CACNA2D3: variants seen among roughly 807,000 people sequenced by gnomAD.
CACNA2D3 encodes the protein calcium voltage-gated channel auxiliary subunit alpha2delta 3, also known as voltage-dependent calcium channel subunit alpha-2/delta-3.
CACNA2D3 carries 60 observed loss-of-function variants against 160.6 expected under a neutral mutation model. The ratio of observed to expected loss-of-function variants is 0.37; its 90% CI spans 0.30 to 0.46. The LOEUF is 0.46. Among genes scored for constraint, CACNA2D3 ranks in the 20% least tolerant of loss-of-function variants. The pLI is 1.00. For missense variants in CACNA2D3, 1,205 were observed against 1,365.0 expected (o/e 0.88, Z 1.85); for synonymous variants, 558 against 492.9 (o/e 1.13, Z -1.75).
chr3:54,552,868 G>C (rs114372602), intron 5 of CACNA2D3, among the ~76,000 whole-genome samples: 1 of 152,142 alleles, frequency 6.6e-6, no homozygotes, highest in Non-Finnish European at 1.5e-5. Context: ...TATATTTATG[G>C]CAAAAGAAAA....
chr3:54,809,520 T>G (rs1451745077), intron 13 of CACNA2D3, among the ~76,000 whole-genome samples: 1 of 144,612 alleles, frequency 6.9e-6, no homozygotes, highest in African/African-American at 2.8e-5. Context: ...GGGTTTCACC[T>G]TGTTAGCCAG....
At chr3:54,870,329 G>C (rs1699496774) in intron 17 of CACNA2D3, among the ~76,000 whole-genome samples, 1 of 152,140 alleles carries the variant, frequency 6.6e-6, no homozygotes, top group Non-Finnish European at 1.5e-5. Flanking sequence ...GGCAACCTAT[G>C]GTTTTGGGGT....
rs185542067 is a variant in CACNA2D3, at chr3:54,377,905, A to T, written c.322-8810A>T. On this transcript the variant is annotated intron_variant, in intron 3 of 37. Coordinates refer to ENST00000474759, the MANE Select transcript of CACNA2D3 (RefSeq NM_018398.3). ...ACCAGGAATGGAAACTCTCTGCAGG[A>T]CAGACTTCCTTACCAGTACCAACAC... 1.5e-3 allele frequency among the ~76,000 whole-genome samples: 233 copies of T among 152,346 alleles called. 1 individual carries two copies. The highest frequency in any genetic ancestry group is 5.3e-3 in the African/African-American group (222 of 41,586).
chr3:55,056,446 A>G (rs901369323), intron 35 of CACNA2D3, among the ~76,000 whole-genome samples: 2 of 152,182 alleles, frequency 1.3e-5, no homozygotes, highest in African/African-American at 4.8e-5. Flanking sequence ...TAGCCATCCT[A>G]CTTCCGGGTA....
At chr3:54,281,372 A>G (rs993539454) in intron 2 of CACNA2D3, among the ~76,000 whole-genome samples, 1 of 152,152 alleles carries the variant, frequency 6.6e-6, no homozygotes, top group South Asian at 2.1e-4. Flanking sequence ...CGAAAAACAC[A>G]AGGCTACCTG....
At chr3:54,748,037 C>T (rs1225708488) in intron 11 of CACNA2D3, among the ~76,000 whole-genome samples, 2 of 152,152 alleles carry the variant, frequency 1.3e-5, no homozygotes, top group African/African-American at 2.4e-5. Flanking sequence ...CCATGGTAGC[C>T]CTGGCACCAA....
At chr3:54,749,450 T>C (rs1331065232) in intron 11 of CACNA2D3, among the ~76,000 whole-genome samples, 9 of 152,210 alleles carry the variant, frequency 5.9e-5, no homozygotes, top group Non-Finnish European at 1.3e-4. Context: ...CCAGAAAATA[T>C]GTACTCTCTT....
chr3:54,946,626 A>G (rs916235648), intron 27 of CACNA2D3, among the ~76,000 whole-genome samples: 1 of 152,284 alleles, frequency 6.6e-6, no homozygotes, highest in South Asian at 2.1e-4. Flanking sequence ...AAATAATGAC[A>G]GGAGAGCCGT....
intron 11 of CACNA2D3, among the ~76,000 whole-genome samples, chr3:54,689,351 C>A (rs1700529488): frequency 6.6e-6 from 1 of 152,124 alleles, no homozygotes; most frequent in Non-Finnish European, 1.5e-5. Context: ...CACATTTATT[C>A]CCAGGGATGG....
At chr3:54,642,430 T>C (rs771505517) in intron 11 of CACNA2D3, among the ~76,000 whole-genome samples, 189 bp downstream of exon 11, 15 of 152,160 alleles carry the variant, frequency 9.9e-5, no homozygotes, top group Admixed American at 4.6e-4. Flanking sequence ...ATGAAACTTT[T>C]GGAGGAGAGA....
chr3:54,799,383 G>C (rs1007060292), intron 13 of CACNA2D3, among the ~76,000 whole-genome samples: 2 of 152,144 alleles, frequency 1.3e-5, no homozygotes, highest in African/African-American at 4.8e-5. Flanking sequence ...TCCCACTGCA[G>C]ACATGGAGGA....
At chr3:54,319,200 A>ACACACACACC (rs1049670394) in intron 2 of CACNA2D3, among the ~76,000 whole-genome samples, 4 of 104,930 alleles carry the variant, frequency 3.8e-5, no homozygotes, top group African/African-American at 1.0e-4. Context: ...ACACACACAC[A>ACACACACACC]CCCTTCCTCG....
intron 31 of CACNA2D3, among the ~76,000 whole-genome samples, chr3:55,002,948 G>T (rs1163459538): frequency 2.6e-5 from 4 of 152,162 alleles, no homozygotes; most frequent in Non-Finnish European, 4.4e-5. Flanking sequence ...CTCATCATCT[G>T]TGTAACATTT....
chr3:54,497,788 C>T (rs1460555676), intron 4 of CACNA2D3, among the ~76,000 whole-genome samples: 1 of 151,778 alleles, frequency 6.6e-6, no homozygotes, highest in South Asian at 2.1e-4. Context: ...TTTCAAATTT[C>T]CTGAGGGTTT....
intron 2 of CACNA2D3, among the ~76,000 whole-genome samples, chr3:54,246,428 C>A (rs1454384169): frequency 6.6e-6 from 1 of 152,222 alleles, no homozygotes; most frequent in Non-Finnish European, 1.5e-5. Flanking sequence ...TGCGATGGCT[C>A]ATGCCTGTAA....
intron 11 of CACNA2D3, among the ~76,000 whole-genome samples, chr3:54,739,397 G>A (rs1477264755): frequency 6.8e-6 from 1 of 147,300 alleles, no homozygotes; most frequent in Admixed American, 6.8e-5. Flanking sequence ...TCCAGCCTGG[G>A]TGACAGAGGG....
chr3:54,815,423 A>T (rs919355999), intron 13 of CACNA2D3, among the ~76,000 whole-genome samples: 6 of 152,218 alleles, frequency 3.9e-5, no homozygotes, highest in Non-Finnish European at 8.8e-5. Flanking sequence ...CAAGTTTAAG[A>T]GAGCCCTGGT....
chr3:54,781,225 A>G (rs1702529687), intron 13 of CACNA2D3, among the ~76,000 whole-genome samples: 1 of 152,248 alleles, frequency 6.6e-6, no homozygotes, highest in Non-Finnish European at 1.5e-5. Flanking sequence ...GCCACAGTAC[A>G]TACATTCACA....
chr3:54,493,039 T>A (rs1025937907), intron 4 of CACNA2D3, among the ~76,000 whole-genome samples: 6 of 148,148 alleles, frequency 4.1e-5, no homozygotes, highest in Non-Finnish European at 5.9e-5. Context: ...TAAATATGTA[T>A]GTGGGAGGTA....
Sources: allele counts gnomAD v4.1 joint callset (sites outside exome capture counted in the v4.1 genomes callset), GRCh38; gene constraint gnomAD v4.1.1; transcripts MANE v1.5; gene names NCBI Gene and HGNC (gene_info 2026-07-23, HGNC 2026-07-21).